The following SLC5A4 variants were observed in gnomAD, a reference collection of about 807,000 sequenced individuals.
The protein encoded by SLC5A4 is probable glucose sensor protein SLC5A4.
A neutral mutation model predicts 70.3 loss-of-function variants in SLC5A4; 55 were observed. That is an observed-to-expected ratio of 0.78 (90% CI 0.63 to 0.98). The LOEUF is 0.98. Among genes scored for constraint, SLC5A4 ranks in the 50% least tolerant of loss-of-function variants. The pLI, the probability that SLC5A4 is intolerant of heterozygous loss-of-function variation, is 0.00. For missense variants in SLC5A4, 735 were observed against 839.2 expected, an observed-to-expected ratio of 0.88 and a Z score of 1.53; for synonymous variants, 268 against 305.7, an observed-to-expected ratio of 0.88 and a Z score of 1.29.
the SLC5A4 span, among the ~76,000 whole-genome samples, chr22:32,288,978 C>T: frequency 2.0e-5 from 3 of 152,100 alleles, no homozygotes; most frequent in Admixed American, 2.0e-4. Flanking sequence ...TGCTGTACTG[C>T]CTGGGACTTC....
At chr22:32,228,543 A>C (rs978987205) in intron 11 of SLC5A4, among the ~76,000 whole-genome samples, 1 of 38,836 alleles carries the variant, frequency 2.6e-5, no homozygotes, top group African/African-American at 3.0e-4. Context: ...ACTCTGTCTC[A>C]AAAAAAAAAA....
chr22:32,340,787 T>G, the SLC5A4 span, among the ~76,000 whole-genome samples: 16 of 152,062 alleles, frequency 1.1e-4, no homozygotes, highest in African/African-American at 3.9e-4. Context: ...TCAGATCATG[T>G]TGTTGGCCAA....
the SLC5A4 span, among the ~76,000 whole-genome samples, chr22:32,313,714 C>T: frequency 6.6e-6 from 1 of 152,194 alleles, no homozygotes; most frequent in African/African-American, 2.4e-5. Context: ...ATTGCCCAGC[C>T]ACAACTACTT....
the SLC5A4 span, among the ~76,000 whole-genome samples, chr22:32,316,934 C>CTCTCTGTGTGTGTGTGTGTGTG: frequency 6.1e-5 from 9 of 148,622 alleles, no homozygotes; most frequent in Admixed American, 4.0e-4. Flanking sequence ...ATTAACAACT[C>CTCTCTGTGTGTGTGTGTGTGTG]TGTGTGTGTG....
At chr22:32,251,956 G>A (rs1361536939) in intron 2 of SLC5A4, 82 bp from the exon 3 acceptor site, 6 of 1,048,988 alleles carry the variant, frequency 5.7e-6, no homozygotes, top group African/African-American at 3.1e-5. Context: ...GTAGCTGGGC[G>A]TGGTGGCTCA....
chr22:32,303,934 T>C, the SLC5A4 span, among the ~76,000 whole-genome samples: 1 of 152,218 alleles, frequency 6.6e-6, no homozygotes, highest in Non-Finnish European at 1.5e-5. Flanking sequence ...TGAGAGCTCC[T>C]GTTTCTCCAC....
the SLC5A4 span, among the ~76,000 whole-genome samples, chr22:32,329,600 GGT>G: frequency 1.5e-5 from 2 of 131,398 alleles, no homozygotes; most frequent in Non-Finnish European, 3.4e-5. Flanking sequence ...TGGGGGCTCT[GGT>G]GTGTGTGTTG....
chr22:32,333,200 C>CA, the SLC5A4 span, among the ~76,000 whole-genome samples: 2 of 148,420 alleles, frequency 1.3e-5, no homozygotes, highest in African/African-American at 5.0e-5. Context: ...ACTGGCACCC[C>CA]CCCCCCAGAA....
chr22:32,282,207 C>T, the SLC5A4 span, among the ~76,000 whole-genome samples: 1 of 152,158 alleles, frequency 6.6e-6, no homozygotes, highest in East Asian at 1.9e-4. Flanking sequence ...TCCTCTCCGT[C>T]TTTCTTGAAC....
the SLC5A4 span, among the ~76,000 whole-genome samples, chr22:32,302,851 C>G: frequency 6.6e-6 from 1 of 152,182 alleles, no homozygotes; most frequent in Admixed American, 6.5e-5. Flanking sequence ...TTTTGTCTGT[C>G]TTCAAAAAAA....
At position 32,225,755 on chromosome 22, in the gene SLC5A4, C is replaced by G. The variant is rs1490854985; in HGVS notation, c.1349G>C (p.Gly450Ala). 7 of 1,612,060 alleles carry G rather than the reference C, an allele frequency of 4.3e-6. No individual in the cohort carries two copies. The highest frequency in any genetic ancestry group is 2.2e-5 in the East Asian group (1 of 44,858). The change falls in exon 12 of 15, where the codon GGA (glycine) becomes GCA (alanine). Residue 450 changes from glycine (G) to alanine (A), a missense_variant. Transcript: ENST00000266086. The stretch of plus-strand genomic sequence containing the variant: ...TGATTCTGTGTAATGGATTAGTTGT[C>G]CATTTTGAGAAACTTGTACCAGTGG... ...WVPLVQVSQN[G>A]QLIHYTESIS...
the SLC5A4 span, among the ~76,000 whole-genome samples, chr22:32,353,639 G>A: frequency 3.8e-3 from 580 of 151,514 alleles, 6 homozygotes; most frequent in African/African-American, 0.014. Flanking sequence ...CCCAGATAGC[G>A]CCTCCAACAC....
the SLC5A4 span, among the ~76,000 whole-genome samples, chr22:32,305,046 C>CTA: frequency 6.6e-6 from 1 of 151,752 alleles, no homozygotes; most frequent in African/African-American, 2.4e-5. Context: ...TTATGTAGGT[C>CTA]TATTTCTGGG....
chr22:32,279,715 T>G, the SLC5A4 span, among the ~76,000 whole-genome samples: 5 of 152,300 alleles, frequency 3.3e-5, no homozygotes, highest in East Asian at 7.7e-4. Context: ...ACTGCCAAAT[T>G]GGCAATTAAG....
the SLC5A4 span, among the ~76,000 whole-genome samples, chr22:32,350,983 C>T: frequency 1.3e-5 from 2 of 151,880 alleles, no homozygotes; most frequent in Non-Finnish European, 2.9e-5. Context: ...TTCTTAAAGG[C>T]AAAAGTTAGT....
the SLC5A4 span, among the ~76,000 whole-genome samples, chr22:32,324,852 G>A: frequency 5.5e-4 from 84 of 152,326 alleles, no homozygotes; most frequent in African/African-American, 1.8e-3. Context: ...TCAGCCCACA[G>A]TAGCCCCGGG....
the SLC5A4 span, among the ~76,000 whole-genome samples, chr22:32,339,295 C>T: frequency 6.6e-6 from 1 of 152,140 alleles, no homozygotes; most frequent in East Asian, 1.9e-4. Context: ...CCTGAGGCAT[C>T]TGCCACAGGC....
At chr22:32,301,399 C>T in the SLC5A4 span, among the ~76,000 whole-genome samples, 6 of 152,142 alleles carry the variant, frequency 3.9e-5, no homozygotes, top group African/African-American at 1.4e-4. Flanking sequence ...TAATATGCAT[C>T]TGCCTAATGA....
rs1925854584 is a variant in SLC5A4 at position 32,233,042 on chromosome 22, G to A, written c.886-8C>T. 2 of 1,611,018 alleles carry A rather than the reference G, an allele frequency of 1.2e-6. No homozygotes were observed. The highest frequency in any genetic ancestry group is 1.7e-6 in the Non-Finnish European group (2 of 1,178,516). On this transcript the variant is annotated splice_polypyrimidine_tract_variant and splice_region_variant and intron_variant, in intron 8 of 14. Transcript: ENST00000266086. ...GCAGCGCTGCACAATGACCTGCCGGGAGAACGTGACACACTCATGAAACAA... is the reference window on the plus strand; with the variant it reads ...GCAGCGCTGCACAATGACCTGCCGGAAGAACGTGACACACTCATGAAACAA...
Sources: allele counts gnomAD v4.1 joint callset (sites outside exome capture counted in the v4.1 genomes callset), GRCh38; gene constraint gnomAD v4.1.1; transcripts MANE v1.5; gene names NCBI Gene and HGNC (gene_info 2026-07-23, HGNC 2026-07-21).